The following UVRAG variants were observed in gnomAD, a reference collection of about 807,000 sequenced individuals.
UVRAG encodes the protein UV radiation resistance-associated gene protein.
Under a neutral mutation model 78.0 loss-of-function variants are expected in UVRAG, and 19 were observed. That is an observed-to-expected ratio of 0.24 (90% CI 0.17 to 0.36). The LOEUF is 0.36. UVRAG is among the 10% of genes least tolerant of loss of function. The pLI is 1.00. For missense variants in UVRAG, 740 were observed against 853.8 expected (o/e 0.87, Z 1.66); for synonymous variants, 323 against 324.6 (o/e 1.00, Z 0.05).
intron 2 of UVRAG, among the ~76,000 whole-genome samples, chr11:75,854,228 C>A (rs1449940189): frequency 2.6e-5 from 4 of 152,276 alleles, no homozygotes; most frequent in African/African-American, 9.6e-5. Context: ...GGCAGCTGTC[C>A]TTTAAGTGAT....
At chr11:75,892,506 T>G in intron 5 of UVRAG, 1 of 726,912 alleles carries the variant, frequency 1.4e-6, no homozygotes, top group Non-Finnish European at 1.7e-6. Context: ...ACACTTGGCC[T>G]TTCATAGAAG....
In UVRAG at chr11:75,826,150, G is replaced by A. The variant is rs182083264; in HGVS notation, c.117+10626G>A. ...CTGTGCCTGGCCAAGAACTTGTTTC[G>A]TTTTCTTTCCTTTTTTTTTCTTTTA... On this transcript the variant is annotated intron_variant, in intron 1 of 14. Coordinates refer to ENST00000356136, the MANE Select transcript of UVRAG (RefSeq NM_003369.4). Among the ~76,000 whole-genome samples the A allele has an allele frequency of 4.0e-5, 6 of 150,044 alleles. No individual in the cohort carries two copies. In the East Asian group the frequency reaches 8.0e-4, roughly 20 times the overall value.
intron 6 of UVRAG, among the ~76,000 whole-genome samples, chr11:75,949,311 C>G (rs1948640098): frequency 1.3e-5 from 2 of 151,936 alleles, no homozygotes; most frequent in South Asian, 4.2e-4. Flanking sequence ...GACTTTTTTC[C>G]CCCCTAATTT....
At position 75,848,782 on chromosome 11, in the gene UVRAG, G is replaced by A. The variant is rs114853813; in HGVS notation, c.118-3101G>A. On this transcript the variant is annotated intron_variant, in intron 1 of 14. Coordinates refer to ENST00000356136, the MANE Select transcript of UVRAG (RefSeq NM_003369.4). ...TATTTAGATGGAGATACATATCCACGTATATAGGATGTAATCCTTGGCTTT... is the reference window on the plus strand; with the variant it reads ...TATTTAGATGGAGATACATATCCACATATATAGGATGTAATCCTTGGCTTT... Among the ~76,000 whole-genome samples the A allele has an allele frequency of 1.5e-3, 224 of 152,300 alleles. 2 individuals carry two copies. Among genetic ancestry groups the A allele is most frequent in the African/African-American group, 5.3e-3 (219 of 41,560 alleles).
chr11:76,009,959 AC>A (rs1221897579), intron 11 of UVRAG, among the ~76,000 whole-genome samples: 1 of 144,760 alleles, frequency 6.9e-6, no homozygotes. Flanking sequence ...AATCTTTAAT[AC>A]TCACAAAAAC....
chr11:75,887,155 TTTTTTTTTG>T (rs1441978939), intron 4 of UVRAG, among the ~76,000 whole-genome samples: 1 of 149,064 alleles, frequency 6.7e-6, no homozygotes, highest in Non-Finnish European at 1.5e-5. Context: ...TCTTTCTTTC[TTTTTTTTTG>T]AGACAAGGTC....
At chr11:76,035,757 A>G (rs1306992840) in intron 12 of UVRAG, among the ~76,000 whole-genome samples, 1 of 152,226 alleles carries the variant, frequency 6.6e-6, no homozygotes, top group Non-Finnish European at 1.5e-5. Context: ...CTGAATATCT[A>G]CCATATGAAT....
intron 1 of UVRAG, among the ~76,000 whole-genome samples, chr11:75,831,181 C>T (rs915718926): frequency 3.9e-5 from 6 of 152,076 alleles, no homozygotes; most frequent in African/African-American, 1.2e-4. Context: ...TGTCCTTGCC[C>T]TGGAGGGACT....
intron 5 of UVRAG, among the ~76,000 whole-genome samples, chr11:75,907,314 T>C (rs1463832532): frequency 6.6e-6 from 1 of 152,198 alleles, no homozygotes; most frequent in African/African-American, 2.4e-5. Context: ...TTTGAGTCTT[T>C]CACCATTGAG....
At chr11:75,917,877 A>G (rs185818570) in intron 6 of UVRAG, among the ~76,000 whole-genome samples, 24 of 152,196 alleles carry the variant, frequency 1.6e-4, no homozygotes, top group Non-Finnish European at 3.4e-4. Context: ...TTTAATCTGT[A>G]TTTTCCTAGA....
chr11:76,125,207 CAGAT>C (rs1952361838), intron 14 of UVRAG, among the ~76,000 whole-genome samples: 1 of 152,188 alleles, frequency 6.6e-6, no homozygotes, highest in South Asian at 2.1e-4. Context: ...GTAGCTGTAT[CAGAT>C]AGGCTCGCCT....
chr11:76,127,594 A>G (rs1565172307), intron 14 of UVRAG, among the ~76,000 whole-genome samples: 1 of 150,176 alleles, frequency 6.7e-6, no homozygotes, highest in South Asian at 2.1e-4. Context: ...AGACTGTGCC[A>G]TTGCACTCCA....
chr11:75,961,813 A>G (rs1374067626), intron 7 of UVRAG, among the ~76,000 whole-genome samples: 1 of 152,168 alleles, frequency 6.6e-6, no homozygotes, highest in Admixed American at 6.5e-5. Context: ...CAGTTTTATT[A>G]ATGTGAACTC....
At chr11:76,119,208 C>G (rs909010469) in intron 14 of UVRAG, among the ~76,000 whole-genome samples, 7 of 152,192 alleles carry the variant, frequency 4.6e-5, no homozygotes, top group African/African-American at 1.7e-4. Context: ...GCCATTCCTG[C>G]CTTCCTGAAA....
intron 1 of UVRAG, among the ~76,000 whole-genome samples, chr11:75,819,187 T>A (rs1009494570): frequency 5.3e-5 from 8 of 152,216 alleles, no homozygotes; most frequent in Admixed American, 2.0e-4. Context: ...TGCAAACACC[T>A]GAACTTTTCC....
At chr11:76,064,039 C>T (rs1022751229) in intron 12 of UVRAG, among the ~76,000 whole-genome samples, 2 of 152,102 alleles carry the variant, frequency 1.3e-5, no homozygotes, top group South Asian at 2.1e-4. Context: ...TTGCCTTATC[C>T]GAACCATACC....
intron 12 of UVRAG, among the ~76,000 whole-genome samples, chr11:76,050,026 T>C (rs1384759896): frequency 6.6e-6 from 1 of 152,172 alleles, no homozygotes; most frequent in Non-Finnish European, 1.5e-5. Context: ...ATAAGTACAA[T>C]ACCTGCTGCA....
intron 1 of UVRAG, among the ~76,000 whole-genome samples, chr11:75,846,830 T>TG (rs1946043868): frequency 6.8e-6 from 1 of 147,234 alleles, no homozygotes; most frequent in South Asian, 2.1e-4. Context: ...TGTTCTTTCA[T>TG]TTTTTTTTTT....
At chr11:75,951,351 GTGTGTGTGTA>G (rs1372798073) in intron 6 of UVRAG, among the ~76,000 whole-genome samples, 68 of 146,334 alleles carry the variant, frequency 4.6e-4, no homozygotes, top group African/African-American at 1.6e-3. Flanking sequence ...GTGTGTGTGT[GTGTGTGTGTA>G]TATATTTTTT....
Sources: gnomAD v4.1 joint callset for allele counts (sites outside exome capture counted in the v4.1 genomes callset) on GRCh38, gnomAD v4.1.1 for gene constraint, MANE v1.5 for transcripts, NCBI Gene and HGNC (gene_info 2026-07-23, HGNC 2026-07-21) for gene names.